PSTPIP1: variants seen among roughly 807,000 people sequenced by gnomAD.
PSTPIP1 encodes proline-serine-threonine phosphatase interacting protein 1.
A neutral mutation model predicts 69.6 loss-of-function variants in PSTPIP1; 66 were observed. That is an observed-to-expected ratio of 0.95 (90% CI 0.78 to 1.16). PSTPIP1 has a LOEUF of 1.16. Ranked by LOEUF, PSTPIP1 falls within the 50% of genes most tolerant of loss-of-function variation. The pLI is 0.00. For missense variants in PSTPIP1, 603 were observed against 557.4 expected (o/e 1.08, Z -0.82); for synonymous variants, 266 against 222.7 (o/e 1.19, Z -1.73).
Position 77,018,177 on chromosome 15 carries a change from C to T in PSTPIP1, c.66C>T (p.Tyr22=), listed in dbSNP as rs373516507. The T allele has an allele frequency of 2.8e-5, 45 of 1,589,058 alleles. No individual in the cohort carries two copies. Among genetic ancestry groups the T allele is most frequent in the East Asian group, 2.7e-4 (12 of 43,754 alleles). Residue 22 remains tyrosine (Y), a synonymous_variant, in exon 2 of 15, where the codon TAC becomes TAT. Transcript: ENST00000558012. ...WCRDFTAHTG[Y]EVLLQRLLDG... ...GGGACTTCACAGCCCACACGGGCTA[C>T]GAGGTGCTGCTGCAGCGGCTTCTGG...
At chr15:77,031,056 T>G in intron 9 of PSTPIP1, 124 bp from the exon 10 acceptor site, 1 of 931,928 alleles carries the variant, frequency 1.1e-6, no homozygotes, top group Non-Finnish European at 1.6e-6. Context: ...ACTCTCTCCT[T>G]TGGACTGGGC....
At chr15:77,022,105 T>C (rs1456591292) in intron 3 of PSTPIP1, among the ~76,000 whole-genome samples, 1 of 152,258 alleles carries the variant, frequency 6.6e-6, no homozygotes, top group Non-Finnish European at 1.5e-5. Context: ...CCAAAAATGC[T>C]GTGGTTTTCC....
At chr15:76,995,662 T>C in intron 1 of PSTPIP1, 53 bp downstream of exon 1, 2 of 1,611,920 alleles carry the variant, frequency 1.2e-6, no homozygotes, top group East Asian at 2.2e-5. Flanking sequence ...AGAGCTAGGC[T>C]GAAATCTCCA....
At chr15:77,037,001 CTGCAGGCCCTTCCA>C (rs1226205277) in intron 14 of PSTPIP1, 30 bp from the exon 15 acceptor site, 8 of 1,597,458 alleles carry the variant, frequency 5.0e-6, no homozygotes, top group East Asian at 2.3e-5. Context: ...AGGCCCTTCC[CTGCAGGCCCTTCCA>C]ACGTCATGCG....
At chr15:77,031,549 G>A in intron 10 of PSTPIP1, 1 of 342,588 alleles carries the variant, frequency 2.9e-6, no homozygotes, top group South Asian at 3.0e-5. Context: ...CAGAGCACCT[G>A]CCCCCTCTGC....
chr15:77,024,738 C>G (rs2076236913), intron 3 of PSTPIP1, among the ~76,000 whole-genome samples: 1 of 151,550 alleles, frequency 6.6e-6, no homozygotes, highest in African/African-American at 2.4e-5. Context: ...CCCTCCCTCC[C>G]TCCCTCCCTC....
chr15:76,996,677 T>C (rs1161266782), intron 1 of PSTPIP1, among the ~76,000 whole-genome samples: 2 of 152,218 alleles, frequency 1.3e-5, no homozygotes, highest in African/African-American at 4.8e-5. Flanking sequence ...CTTCCTCTGC[T>C]CTGACTGTAC....
chr15:77,015,489 A>G (rs2152676772), intron 1 of PSTPIP1, among the ~76,000 whole-genome samples: 1 of 152,318 alleles, frequency 6.6e-6, no homozygotes, highest in Non-Finnish European at 1.5e-5. Flanking sequence ...GCAGGGCCAC[A>G]GGCAGCATTC....
At chr15:77,035,773 GA>G in intron 13 of PSTPIP1, 28 bp from the exon 14 acceptor site, 1 of 1,592,688 alleles carries the variant, frequency 6.3e-7, no homozygotes, top group Non-Finnish European at 8.5e-7. Flanking sequence ...CCCAGAAGGG[GA>G]GGGGTCTATG....
chr15:77,030,949 G>A lies in PSTPIP1; in HGVS notation c.643-231G>A, dbSNP rs1338722042. Among the ~76,000 whole-genome samples the A allele has an allele frequency of 2.0e-5, 3 of 152,358 alleles. No homozygotes were observed. The East Asian group carries it at 5.8e-4, about 29-fold the overall frequency. ...TACCCTTCTGCCTCGGTGTGGTGCA[G>A]CCTGAAGGGAGGCTGGGGCAGGGAC... On this transcript the variant is annotated intron_variant, in intron 9 of 14. Transcript: ENST00000558012.
intron 1 of PSTPIP1, among the ~76,000 whole-genome samples, chr15:77,001,875 A>T (rs956458378): frequency 9.2e-5 from 14 of 152,162 alleles, no homozygotes; most frequent in African/African-American, 3.4e-4. Flanking sequence ...GAGAAAGGAG[A>T]TGGATGAGGG....
In PSTPIP1 at chr15:77,025,605, G is replaced by A; in HGVS notation, c.354+1G>A. The A allele has an allele frequency of 6.5e-7, 1 of 1,542,468 alleles. No homozygotes were observed. The highest frequency in any genetic ancestry group is 8.8e-7 in the Non-Finnish European group (1 of 1,139,902). ...GAGGCAGAAGGAGCAGAGGAAGAAG[G>A]TGAGGCAGGTGCAGGGGGCGGGGGA... On this transcript the variant is annotated splice_donor_variant, in intron 5 of 14. Transcript: ENST00000558012. LOFTEE classifies it high-confidence loss of function.
chr15:77,006,812 CTT>C (rs2075823248), intron 1 of PSTPIP1, among the ~76,000 whole-genome samples: 1 of 152,196 alleles, frequency 6.6e-6, no homozygotes, highest in Non-Finnish European at 1.5e-5. Flanking sequence ...TATGTCTGTC[CTT>C]ATGACACTAC....
chr15:77,002,233 A>C (rs1455944228), intron 1 of PSTPIP1, among the ~76,000 whole-genome samples: 2 of 152,198 alleles, frequency 1.3e-5, no homozygotes, highest in African/African-American at 4.8e-5. Context: ...TGCAGGGTAG[A>C]GCAGGGACTC....
At chr15:77,004,476 CA>C (rs1424937858) in intron 1 of PSTPIP1, among the ~76,000 whole-genome samples, 3 of 152,110 alleles carry the variant, frequency 2.0e-5, no homozygotes, top group Admixed American at 6.5e-5. Context: ...GGGAGGAAGT[CA>C]GGGGGTGATG....
rs138021447 is a variant in PSTPIP1, at chr15:77,030,285, G to T, written c.563-217G>T. On this transcript the variant is annotated intron_variant, in intron 8 of 14. Coordinates refer to ENST00000558012, the MANE Select transcript of PSTPIP1 (RefSeq NM_003978.5). ...CTTGCATATATGAGGCTCCACTCCA[G>T]CCCTCAGGCAGCTCAGAGCACAGTT... is the stretch of plus-strand genomic sequence containing the variant. 1.1e-3 allele frequency among the ~76,000 whole-genome samples: 166 copies of T among 152,370 alleles called. No individual in the cohort carries two copies. The East Asian group carries it at 0.019, about 18-fold the overall frequency.
chr15:77,025,333 C>G lies in PSTPIP1; in HGVS notation c.247+15C>G. ...CTTGAAGCAGCGTAAGTCCCCTACC[C>G]TGGGGCAATGGGATCTTTTGGGACT... On this transcript the variant is annotated intron_variant, in intron 4 of 14. Coordinates refer to ENST00000558012, the MANE Select transcript of PSTPIP1 (RefSeq NM_003978.5). The G allele has an allele frequency of 6.2e-7, 1 of 1,604,840 alleles. No individual in the cohort carries two copies.
intron 1 of PSTPIP1, among the ~76,000 whole-genome samples, chr15:77,015,614 T>C (rs62007205): frequency 0.068 from 10,273 of 152,190 alleles, 393 homozygotes; most frequent in Middle Eastern, 0.1. Context: ...CAGACCCACA[T>C]GACTGATTAA....
rs538172329 is a variant in PSTPIP1, at chr15:77,021,890, C to G, written c.212+3359C>G. Among the ~76,000 whole-genome samples, 33 of 152,338 alleles carry G rather than the reference C, an allele frequency of 2.2e-4. No homozygotes were observed. The South Asian group carries it at 6.4e-3, about 30-fold the overall frequency. On this transcript the variant is annotated intron_variant, in intron 3 of 14. Coordinates refer to ENST00000558012, the MANE Select transcript of PSTPIP1 (RefSeq NM_003978.5). ...TCAGAAAGCTGTCACCTCCACTCCC[C>G]TATTGCTCATCCTGCGTCAGGTAAG...
Sources: allele counts gnomAD v4.1 joint callset (sites outside exome capture counted in the v4.1 genomes callset), GRCh38; gene constraint gnomAD v4.1.1; transcripts MANE v1.5; gene names NCBI Gene and HGNC (gene_info 2026-07-23, HGNC 2026-07-21).